The following GALNT9 variants were observed in gnomAD, a reference collection of about 807,000 sequenced individuals.
The protein encoded by GALNT9 is polypeptide N-acetylgalactosaminyltransferase 9.
A neutral mutation model predicts 63.1 loss-of-function variants in GALNT9; 47 were observed. That is an observed-to-expected ratio of 0.75 (90% CI 0.59 to 0.95). GALNT9 has a LOEUF of 0.95. Among genes scored for constraint, GALNT9 ranks in the 40% least tolerant of loss-of-function variants. The pLI is 0.00. For missense variants in GALNT9, 829 were observed against 874.8 expected, an observed-to-expected ratio of 0.95 and a Z score of 0.66; for synonymous variants, 396 against 365.7, an observed-to-expected ratio of 1.08 and a Z score of -0.94.
At chr12:132,213,808 C>T (rs1292815971) in intron 6 of GALNT9, among the ~76,000 whole-genome samples, 2 of 152,232 alleles carry the variant, frequency 1.3e-5, no homozygotes, top group African/African-American at 2.4e-5. Flanking sequence ...CCAGCTCTCT[C>T]GAGCAGAATG....
At chr12:132,301,707 A>T (rs114996263) in intron 1 of GALNT9, among the ~76,000 whole-genome samples, 1,980 of 152,386 alleles carry the variant, frequency 0.013, 30 homozygotes, top group African/African-American at 0.045. Flanking sequence ...AGGGAGGCCA[A>T]GCCCTCCCTG....
chr12:132,267,800 C>CACACTCACACACACAT (rs138324682), intron 2 of GALNT9, among the ~76,000 whole-genome samples: 1 of 140,020 alleles, frequency 7.1e-6, no homozygotes, highest in South Asian at 2.2e-4. Flanking sequence ...CGCACTCACA[C>CACACTCACACACACAT]GCACTCACAC....
chr12:132,322,640 C>A (rs530333111), intron 1 of GALNT9, among the ~76,000 whole-genome samples: 4 of 152,284 alleles, frequency 2.6e-5, no homozygotes, highest in Non-Finnish European at 4.4e-5. Flanking sequence ...ACGTAGGAAG[C>A]ACCATGGCGT....
chr12:132,240,587 G>A lies in GALNT9; in HGVS notation c.1077+7323C>T, dbSNP rs2136898743. 9.5e-4 allele frequency: 429 copies of A among 453,862 alleles called. 2 individuals are homozygous for A. Among genetic ancestry groups the A allele is most frequent in the African/African-American group, 5.6e-3 (280 of 49,794 alleles). The allele number at this position is 453,862 out of a possible 1,614,324, so 28.1% of individuals were successfully genotyped here. A position where few individuals can be genotyped will look rare whatever the true frequency, so the allele number is the denominator to read the frequency against. On this transcript the variant is annotated intron_variant, in intron 6 of 10. Transcript: ENST00000328957. Reference sequence around the variant, plus strand: ...GGCTCCGTGCGTGGCCCCGGGGCTCGGCTGTGGGCTCCGTGCGTGGCCCCG... The same window carrying A: ...GGCTCCGTGCGTGGCCCCGGGGCTCAGCTGTGGGCTCCGTGCGTGGCCCCG...
intron 6 of GALNT9, among the ~76,000 whole-genome samples, chr12:132,210,933 C>T (rs773600901): frequency 1.3e-5 from 2 of 151,962 alleles, no homozygotes; most frequent in Non-Finnish European, 2.9e-5. Flanking sequence ...GCCGGCCTGA[C>T]TCACAACAGC....
At position 132,244,811 on chromosome 12, in the gene GALNT9, T is replaced by A. The variant is rs544977477; in HGVS notation, c.1077+3099A>T. ...TGGTGATGGGGCTGGACGGGCAGCA[T>A]GGTGATGGAGTTGGACGGGGGCGTG... On this transcript the variant is annotated intron_variant, in intron 6 of 10. Coordinates refer to ENST00000328957, the MANE Select transcript of GALNT9 (RefSeq NM_001122636.2). Among the ~76,000 whole-genome samples, 86 of 125,046 alleles carry A rather than the reference T, an allele frequency of 6.9e-4. 1 individual carries two copies. The highest frequency in any genetic ancestry group is 2.8e-3 in the African/African-American group (85 of 30,800). The allele number at this position is 125,046 out of a possible 152,430, so 82.0% of individuals were successfully genotyped here. A position where few individuals can be genotyped will look rare whatever the true frequency, so the allele number is the denominator to read the frequency against.
At chr12:132,281,620 G>A (rs1416948119) in intron 2 of GALNT9, among the ~76,000 whole-genome samples, 2 of 152,204 alleles carry the variant, frequency 1.3e-5, no homozygotes, top group East Asian at 1.9e-4. Context: ...GGTTCATCCC[G>A]ATGTCGTTCT....
intron 6 of GALNT9, among the ~76,000 whole-genome samples, chr12:132,218,648 C>T (rs943264533): frequency 2.0e-5 from 3 of 152,234 alleles, no homozygotes; most frequent in Non-Finnish European, 2.9e-5. Context: ...ATCCATCTTC[C>T]GGGCAGGATC....
rs781207265 is a variant in GALNT9 at position 132,203,585 on chromosome 12, G to A, written c.1183C>T (p.Arg395Cys). 16 of 1,613,788 alleles carry A rather than the reference G, an allele frequency of 9.9e-6. No individual in the cohort carries two copies. Among genetic ancestry groups the A allele is most frequent in the East Asian group, 6.7e-5 (3 of 44,884 alleles). The stretch of plus-strand genomic sequence containing the variant: ...ACCTCGGCGGCGCGCAGGGCGTTGC[G>A]CTTGGCATAGTAGTCAATGTCGTTG... ...YNNDIDYYAK[R>C]NALRAAEVWM... The change falls in exon 7 of 11, where the codon CGC becomes TGC. Residue 395 changes from arginine (R) to cysteine (C), a missense_variant. Physicochemically the swap from Arg to Cys is radical, Grantham distance 180 (BLOSUM62 -3). Transcript: ENST00000328957.
intron 1 of GALNT9, among the ~76,000 whole-genome samples, chr12:132,290,355 C>T (rs1555242591): frequency 6.6e-6 from 1 of 152,152 alleles, no homozygotes; most frequent in Non-Finnish European, 1.5e-5. Flanking sequence ...AGAGGCGGCC[C>T]CACCCCTGCG....
At position 132,236,345 on chromosome 12, in the gene GALNT9, G is replaced by C. The variant is rs1878002027; in HGVS notation, c.1077+11565C>G. Among the ~76,000 whole-genome samples the C allele has an allele frequency of 6.6e-6, 1 of 152,130 alleles. No individual in the cohort carries two copies. The highest frequency in any genetic ancestry group is 2.4e-5 in the African/African-American group (1 of 41,424). Reference sequence around the variant, plus strand: ...GTCGGGGCCAAGGGAGCCACATCCAGTGTGGGGGCTGCGGGCTCCAGGCCT... The same window carrying C: ...GTCGGGGCCAAGGGAGCCACATCCACTGTGGGGGCTGCGGGCTCCAGGCCT... On this transcript the variant is annotated intron_variant, in intron 6 of 10. Coordinates refer to ENST00000328957, the MANE Select transcript of GALNT9 (RefSeq NM_001122636.2). This position sits in a 1 kb window ranked among gnomAD's most constrained non-coding sequence, Gnocchi z 5.6.
Position 132,310,921 on chromosome 12 carries a change from T to C in GALNT9, c.238+18045A>G, listed in dbSNP as rs1231382489. ...CATCCTTCAGGGCACCCACTCTCCC[T>C]GGGCACACGGTTCAGGGCACCCGCT... On this transcript the variant is annotated intron_variant, in intron 1 of 10. Transcript: ENST00000328957. The surrounding 1 kb of genome is among the most constrained non-coding windows in gnomAD (Gnocchi z 4.8). Among the ~76,000 whole-genome samples the C allele has an allele frequency of 6.6e-6, 1 of 152,080 alleles. No homozygotes were observed. Among genetic ancestry groups the C allele is most frequent in the African/African-American group, 2.4e-5 (1 of 41,392 alleles).
chr12:132,229,511 G>A (rs1877817306), intron 6 of GALNT9, among the ~76,000 whole-genome samples: 1 of 152,316 alleles, frequency 6.6e-6, no homozygotes, highest in South Asian at 2.1e-4. Flanking sequence ...CCCAGACACC[G>A]ACCACACCCC....
chr12:132,329,223 GC>G lies in GALNT9; in HGVS notation c.-21del, dbSNP rs1869190345. ...CGCCATGAACACGGCTGCAGCGGGG[GC>G]CTCACCCGCGGGGCATCCCCAGCAT... is the stretch of plus-strand genomic sequence containing the variant. On this transcript the variant is annotated 5_prime_UTR_variant, in exon 1 of 11. Transcript: ENST00000328957. The G allele has an allele frequency of 6.5e-7, 1 of 1,533,758 alleles. No individual in the cohort carries two copies. Among genetic ancestry groups the G allele is most frequent in the Non-Finnish European group, 8.8e-7 (1 of 1,134,986 alleles).
intron 1 of GALNT9, among the ~76,000 whole-genome samples, chr12:132,308,527 G>T (rs1384430499): frequency 6.6e-6 from 1 of 152,202 alleles, no homozygotes; most frequent in Non-Finnish European, 1.5e-5. Flanking sequence ...TAAAGGCAGG[G>T]GGAGGCCTTG....
chr12:132,318,030 C>G lies in GALNT9; in HGVS notation c.238+10936G>C, dbSNP rs1466750501. On this transcript the variant is annotated intron_variant, in intron 1 of 10. Coordinates refer to ENST00000328957, the MANE Select transcript of GALNT9 (RefSeq NM_001122636.2). ...CTGAGGAAGGTGGATCACTTGAGCT[C>G]AGGAGTTCGAGACCAGCCTGGGCAA... Among the ~76,000 whole-genome samples the G allele has an allele frequency of 5.3e-5, 8 of 152,156 alleles. No individual in the cohort carries two copies. The South Asian group carries it at 1.4e-3, about 28-fold the overall frequency.
At chr12:132,324,883 C>T (rs1464901158) in intron 1 of GALNT9, among the ~76,000 whole-genome samples, 1 of 152,238 alleles carries the variant, frequency 6.6e-6, no homozygotes, top group Admixed American at 6.5e-5. Context: ...GAGATACGCC[C>T]CTTGGCAACC....
Position 132,310,151 on chromosome 12 carries a change from A to G in GALNT9, c.238+18815T>C, listed in dbSNP as rs988717951. 6.6e-6 allele frequency among the ~76,000 whole-genome samples: 1 copy of G among 152,232 alleles called. No individual in the cohort carries two copies. The highest frequency in any genetic ancestry group is 1.9e-4 in the East Asian group (1 of 5,198). ...CTCAATGCTCGGGGCTGGAGCAGCC[A>G]ATGTGTGACCATGAGACCGAATGCC... is the stretch of plus-strand genomic sequence containing the variant. On this transcript the variant is annotated intron_variant, in intron 1 of 10. Transcript: ENST00000328957. This position sits in a 1 kb window ranked among gnomAD's most constrained non-coding sequence, Gnocchi z 4.8.
intron 5 of GALNT9, among the ~76,000 whole-genome samples, chr12:132,255,172 G>A (rs1555238938): frequency 6.6e-6 from 1 of 152,112 alleles, no homozygotes; most frequent in South Asian, 2.1e-4. Context: ...AAGAGGGTTT[G>A]GACAAGCCCC....
Sources: gnomAD v4.1 joint callset for allele counts (sites outside exome capture counted in the v4.1 genomes callset) on GRCh38, gnomAD v4.1.1 for gene constraint, Gnocchi (gnomAD v3.1) non-coding constraint, MANE v1.5 for transcripts, NCBI Gene and HGNC (gene_info 2026-07-23, HGNC 2026-07-21) for gene names.